CAST: variants seen among roughly 807,000 people sequenced by gnomAD.
The protein encoded by CAST is MIR583 host.
A neutral mutation model predicts 119.6 loss-of-function variants in CAST; 76 were observed. The ratio of observed to expected loss-of-function variants is 0.64; its 90% CI spans 0.53 to 0.77. CAST has a LOEUF of 0.77. Ranked by LOEUF, CAST falls within the 30% of genes least tolerant of loss-of-function variation. The pLI, the probability that CAST is intolerant of heterozygous loss-of-function variation, is 0.00. For synonymous variants in CAST, 319 were observed against 331.6 expected (o/e 0.96, Z 0.41); for missense variants, 953 against 946.5 (o/e 1.01, Z -0.09).
chr5:96,567,597 G>A (rs1348388123), intron 1 of CAST, among the ~76,000 whole-genome samples: 1 of 152,120 alleles, frequency 6.6e-6, no homozygotes, highest in Non-Finnish European at 1.5e-5. Context: ...CATTCTGTTT[G>A]TACTTAACCA....
At chr5:96,720,614 G>A (rs1389936283) in intron 3 of CAST, among the ~76,000 whole-genome samples, 2 of 152,220 alleles carry the variant, frequency 1.3e-5, no homozygotes, top group African/African-American at 4.8e-5. Flanking sequence ...AAGGCCCTCA[G>A]CTAAATTCCC....
At chr5:96,763,000 A>G in intron 25 of CAST, 1 of 640,070 alleles carries the variant, frequency 1.6e-6, no homozygotes, top group Non-Finnish European at 2.8e-6. Context: ...ATACCAAATT[A>G]TACATTACCA....
At chr5:96,424,971 AAG>A in the CAST span, among the ~76,000 whole-genome samples, 4 of 145,640 alleles carry the variant, frequency 2.7e-5, no homozygotes, top group African/African-American at 1.1e-4. Context: ...CAAAAAAAAA[AAG>A]AAAGATAGAA....
At chr5:96,254,826 GTC>G in the CAST span, among the ~76,000 whole-genome samples, 1 of 152,012 alleles carries the variant, frequency 6.6e-6, no homozygotes. Context: ...AAAAATTTCT[GTC>G]TTTAAGAATT....
intron 1 of CAST, among the ~76,000 whole-genome samples, chr5:96,652,705 T>A (rs1748109005): frequency 6.6e-6 from 1 of 152,222 alleles, no homozygotes; most frequent in Non-Finnish European, 1.5e-5. Flanking sequence ...TATTTGCACA[T>A]GGGATCATCT....
the CAST span, among the ~76,000 whole-genome samples, chr5:96,347,146 T>C: frequency 1.3e-5 from 2 of 152,160 alleles, no homozygotes; most frequent in African/African-American, 4.8e-5. Flanking sequence ...GGAGGCCCAG[T>C]GTGCCAGCCC....
chr5:96,629,108 G>A (rs752782815), intron 1 of CAST, among the ~76,000 whole-genome samples: 7 of 152,064 alleles, frequency 4.6e-5, no homozygotes, highest in Non-Finnish European at 1.0e-4. Context: ...GTTTGGAGGT[G>A]GAGCCTAATA....
the CAST span, chr5:96,423,545 T>C: frequency 1.6e-6 from 2 of 1,214,784 alleles, no homozygotes; most frequent in Non-Finnish European, 2.4e-6. Context: ...TGGAGACCCA[T>C]CTTTCTTTTT....
chr5:96,181,105 ATG>A, the CAST span, among the ~76,000 whole-genome samples: 1 of 152,080 alleles, frequency 6.6e-6, no homozygotes, highest in South Asian at 2.1e-4. Flanking sequence ...AAGTCATGGG[ATG>A]TCTCAGAATA....
the CAST span, among the ~76,000 whole-genome samples, chr5:96,355,632 T>G: frequency 1.3e-5 from 2 of 152,220 alleles, no homozygotes; most frequent in Non-Finnish European, 2.9e-5. Context: ...TGAAATAATT[T>G]ACACTCCCAC....
chr5:96,379,361 G>A, the CAST span, among the ~76,000 whole-genome samples: 1 of 152,104 alleles, frequency 6.6e-6, no homozygotes, highest in Admixed American at 6.6e-5. Context: ...TGAGAATGAG[G>A]GACTTGAAAC....
At chr5:96,283,063 G>A in the CAST span, among the ~76,000 whole-genome samples, 1 of 147,922 alleles carries the variant, frequency 6.8e-6, no homozygotes, top group Non-Finnish European at 1.5e-5. Flanking sequence ...CCGGGAGGCG[G>A]AGCTTGCAGT....
chr5:96,101,994 A>G, the CAST span, among the ~76,000 whole-genome samples: 1 of 152,122 alleles, frequency 6.6e-6, no homozygotes, highest in Non-Finnish European at 1.5e-5. Context: ...TGGGGTGCCT[A>G]CAACCCTGGA....
At chr5:96,447,351 A>G in the CAST span, among the ~76,000 whole-genome samples, 1 of 152,212 alleles carries the variant, frequency 6.6e-6, no homozygotes, top group South Asian at 2.1e-4. Context: ...AGTCATGGGC[A>G]TAAGGACCAA....
chr5:96,762,167 A>G, intron 24 of CAST, 107 bp from the exon 25 acceptor site: 1 of 555,186 alleles, frequency 1.8e-6, no homozygotes, highest in Non-Finnish European at 3.1e-6. Flanking sequence ...TTTGGTCAAG[A>G]GAATAAACAG....
chr5:96,530,045 C>T (rs1440933338), intron 1 of CAST, among the ~76,000 whole-genome samples: 1 of 152,188 alleles, frequency 6.6e-6, no homozygotes, highest in Non-Finnish European at 1.5e-5. Flanking sequence ...TATGACCAAA[C>T]AGTTCCTACC....
the CAST span, among the ~76,000 whole-genome samples, chr5:96,119,099 G>T: frequency 6.6e-6 from 1 of 152,048 alleles, no homozygotes; most frequent in Non-Finnish European, 1.5e-5. Flanking sequence ...ACATGTCTTT[G>T]CCATAGACTT....
At chr5:96,072,140 T>TAGAAA in the CAST span, among the ~76,000 whole-genome samples, 1 of 151,950 alleles carries the variant, frequency 6.6e-6, no homozygotes, top group African/African-American at 2.4e-5. Flanking sequence ...ACTAAAACAA[T>TAGAAA]AGAAAAGGAG....
chr5:96,147,642 C>CA, the CAST span, among the ~76,000 whole-genome samples: 1 of 148,010 alleles, frequency 6.8e-6, no homozygotes, highest in Non-Finnish European at 1.5e-5. Context: ...ACAAAAACCC[C>CA]AAAAAAACAA....
Sources: allele counts gnomAD v4.1 joint callset (sites outside exome capture counted in the v4.1 genomes callset), GRCh38; gene constraint gnomAD v4.1.1; transcripts MANE v1.5; gene names NCBI Gene and HGNC (gene_info 2026-07-23, HGNC 2026-07-21).